THRB: variants seen among roughly 807,000 people sequenced by gnomAD.
The protein encoded by THRB is nuclear receptor subfamily 1 group A member 2.
Under a neutral mutation model 47.8 loss-of-function variants are expected in THRB, and 12 were observed. The observed-to-expected ratio is 0.25, with a 90% confidence interval of 0.16 to 0.41. The LOEUF (loss-of-function observed/expected upper bound fraction) is 0.41, where lower values mean the gene tolerates loss of function less well. THRB is among the 10% of genes least tolerant of loss of function. The pLI is 1.00. For missense variants in THRB, 348 were observed against 589.2 expected, an observed-to-expected ratio of 0.59 and a Z score of 4.24; for synonymous variants, 218 against 212.2, an observed-to-expected ratio of 1.03 and a Z score of -0.24.
chr3:24,164,694 C>T (rs1343393596), intron 5 of THRB, among the ~76,000 whole-genome samples: 1 of 152,100 alleles, frequency 6.6e-6, no homozygotes, highest in South Asian at 2.1e-4. Flanking sequence ...ACTTCAAACA[C>T]CACAACACCT....
At chr3:24,143,995 TA>T in intron 7 of THRB, 1 of 474,740 alleles carries the variant, frequency 2.1e-6, no homozygotes. Flanking sequence ...AAGGTGGTTC[TA>T]AAACAGAGTG....
At chr3:24,469,139 C>T (rs1644708294) in intron 1 of THRB, among the ~76,000 whole-genome samples, 1 of 152,156 alleles carries the variant, frequency 6.6e-6, no homozygotes, top group Non-Finnish European at 1.5e-5. Context: ...CCTCAGTAGA[C>T]ACCCCAATTT....
chr3:24,233,224 AG>A (rs1318154374), intron 3 of THRB, among the ~76,000 whole-genome samples: 2 of 152,212 alleles, frequency 1.3e-5, no homozygotes, highest in African/African-American at 4.8e-5. Flanking sequence ...ATCAACACTT[AG>A]TAAATAGGTC....
intron 3 of THRB, among the ~76,000 whole-genome samples, chr3:24,261,223 C>T (rs1215505553): frequency 8.8e-6 from 1 of 113,268 alleles, no homozygotes; most frequent in Non-Finnish European, 1.8e-5. Context: ...CATCTCTCGG[C>T]CAGGCGCAGT....
intron 5 of THRB, among the ~76,000 whole-genome samples, chr3:24,178,092 C>T (rs1431481933): frequency 6.6e-6 from 1 of 151,982 alleles, no homozygotes; most frequent in African/African-American, 2.4e-5. Context: ...CTGACATTCA[C>T]CTTTAGAGCA....
rs150283262 is a variant in THRB at position 24,452,449 on chromosome 3, G to C, written c.-261+42203C>G. 3.6e-3 allele frequency among the ~76,000 whole-genome samples: 543 copies of C among 152,168 alleles called. 6 individuals carry two copies. Among genetic ancestry groups the C allele is most frequent in the African/African-American group, 0.012 (495 of 41,500 alleles). On this transcript the variant is annotated intron_variant, in intron 1 of 10. Coordinates refer to ENST00000646209, the MANE Select transcript of THRB (RefSeq NM_001354712.2). ...CAGGCTGGTGGAGATGCTTACAGCAGGGTTGAGAAGGGGAGAAGTGTCCAA... is the reference window on the plus strand; with the variant it reads ...CAGGCTGGTGGAGATGCTTACAGCACGGTTGAGAAGGGGAGAAGTGTCCAA...
At chr3:24,133,691 CAGAAAG>C (rs1174627602) in intron 8 of THRB, among the ~76,000 whole-genome samples, 2 of 56,726 alleles carry the variant, frequency 3.5e-5, no homozygotes, top group African/African-American at 1.8e-4. Context: ...ACTGTTGCTG[CAGAAAG>C]AGAGAGAGAG....
rs897518475 is a variant in THRB, at chr3:24,262,118, T to A, written c.-42-33117A>T. ...TTTAATAAACTTGATATGTCCAAACTAGATTACAGAGCTTCCCCAGGCCTC... is the reference window on the plus strand; with the variant it reads ...TTTAATAAACTTGATATGTCCAAACAAGATTACAGAGCTTCCCCAGGCCTC... On this transcript the variant is annotated intron_variant, in intron 3 of 10. Coordinates refer to ENST00000646209, the MANE Select transcript of THRB (RefSeq NM_001354712.2). Among the ~76,000 whole-genome samples, 5 of 152,192 alleles carry A rather than the reference T, an allele frequency of 3.3e-5. No homozygotes were observed. The South Asian group carries it at 1.0e-3, about 32-fold the overall frequency.
At chr3:24,484,932 A>T (rs1436857703) in intron 1 of THRB, among the ~76,000 whole-genome samples, 1 of 152,248 alleles carries the variant, frequency 6.6e-6, no homozygotes, top group Non-Finnish European at 1.5e-5. Flanking sequence ...TTTATTCTTA[A>T]TTAGGTGATA....
intron 1 of THRB, among the ~76,000 whole-genome samples, chr3:24,411,292 A>C (rs2068272666): frequency 6.6e-6 from 1 of 151,898 alleles, no homozygotes; most frequent in Non-Finnish European, 1.5e-5. Context: ...AATTCAGGGC[A>C]TAATTCATTT....
intron 8 of THRB, among the ~76,000 whole-genome samples, chr3:24,135,846 T>TATATATATATATATATATATATATAA (rs1231598841): frequency 1.4e-4 from 17 of 121,156 alleles, no homozygotes; most frequent in African/African-American, 4.9e-4. Flanking sequence ...TATATATATA[T>TATATATATATATATATATATATATAA]AATACATAAA....
intron 1 of THRB, among the ~76,000 whole-genome samples, chr3:24,481,058 C>T (rs773275336): frequency 4.6e-5 from 7 of 152,072 alleles, no homozygotes; most frequent in South Asian, 2.1e-4. Flanking sequence ...GTCTTTTTGC[C>T]GTAAGCCATT....
intron 9 of THRB, among the ~76,000 whole-genome samples, chr3:24,127,983 G>T (rs1031765610): frequency 6.6e-6 from 1 of 152,174 alleles, no homozygotes; most frequent in African/African-American, 2.4e-5. Context: ...TCAGGAGTTT[G>T]CATTGCTTTT....
At chr3:24,314,877 G>T (rs1396291182) in intron 2 of THRB, among the ~76,000 whole-genome samples, 1 of 151,844 alleles carries the variant, frequency 6.6e-6, no homozygotes, top group Non-Finnish European at 1.5e-5. Flanking sequence ...ATTCCTGCAG[G>T]GTCTTATTTC....
At chr3:24,413,715 C>G (rs965834366) in intron 1 of THRB, among the ~76,000 whole-genome samples, 1 of 151,786 alleles carries the variant, frequency 6.6e-6, no homozygotes, top group Non-Finnish European at 1.5e-5. Flanking sequence ...TATCCCTCCC[C>G]CATCCCCGAC....
At chr3:24,228,542 G>A (rs2047916011) in intron 4 of THRB, among the ~76,000 whole-genome samples, 1 of 149,254 alleles carries the variant, frequency 6.7e-6, no homozygotes, top group Admixed American at 6.8e-5. Flanking sequence ...TGAGGTGGGA[G>A]AATCACTTGA....
rs1360367092 is a variant in THRB, at chr3:24,299,766, C to CTTTTTTTTTTTTTTTTTT, written c.-188-2396_-188-2395insAAAAAAAAAAAAAAAAAA. 2.2e-4 allele frequency among the ~76,000 whole-genome samples: 13 copies of CTTTTTTTTTTTTTTTTTT among 58,568 alleles called. 5 individuals carry two copies. The highest frequency in any genetic ancestry group is 8.9e-4 in the African/African-American group (11 of 12,368). 38.4% of individuals were successfully genotyped at this position (58,568 alleles called of 152,430 possible). The stretch of plus-strand genomic sequence containing the variant: ...GCCTTGAGGCTTCTGGGGAAGTATG[C>CTTTTTTTTTTTTTTTTTT]TTTTTTATTTATTTATTTATTTATT... On this transcript the variant is annotated intron_variant, in intron 2 of 10. Transcript: ENST00000646209.
At chr3:24,342,574 C>T (rs1029289511) in intron 1 of THRB, among the ~76,000 whole-genome samples, 6 of 152,100 alleles carry the variant, frequency 3.9e-5, no homozygotes, top group East Asian at 3.9e-4. Context: ...TTCAGTCCTC[C>T]GATCTTCCTC....
At chr3:24,230,586 G>C (rs1175060873) in intron 3 of THRB, among the ~76,000 whole-genome samples, 1 of 152,132 alleles carries the variant, frequency 6.6e-6, no homozygotes, top group Non-Finnish European at 1.5e-5. Context: ...CAAGTTCTGA[G>C]CTGCTGTAGG....
Sources: gnomAD v4.1 joint callset for allele counts (sites outside exome capture counted in the v4.1 genomes callset) on GRCh38, gnomAD v4.1.1 for gene constraint, MANE v1.5 for transcripts, NCBI Gene and HGNC (gene_info 2026-07-23, HGNC 2026-07-21) for gene names.